CRTAC1: variants seen among roughly 807,000 people sequenced by gnomAD.
The protein encoded by CRTAC1 is cartilage acidic protein 1, also known as acidic secreted protein in cartilage.
A neutral mutation model predicts 67.8 loss-of-function variants in CRTAC1; 37 were observed. The observed-to-expected ratio is 0.55, with a 90% CI of 0.42 to 0.72. The LOEUF is 0.72. Ranked by LOEUF, CRTAC1 falls within the 30% of genes least tolerant of loss-of-function variation. The pLI is 0.00. For missense variants in CRTAC1, 780 were observed against 931.6 expected (o/e 0.84, Z 2.12); for synonymous variants, 348 against 371.0 (o/e 0.94, Z 0.71).
chr10:97,886,636 T>G (rs2050289643), intron 11 of CRTAC1, among the ~76,000 whole-genome samples: 1 of 32,428 alleles, frequency 3.1e-5, no homozygotes, highest in Non-Finnish European at 7.5e-5. Context: ...CTACAGATTT[T>G]TTTTTCTTTT....
chr10:98,011,142 C>T lies in CRTAC1; in HGVS notation c.220G>A (p.Ala74Thr). The change falls in exon 2 of 15, where the codon GCG becomes ACG. Residue 74 changes from alanine (A) to threonine (T), a missense_variant. Ala to Thr is a moderately conservative substitution (Grantham distance 58). Transcript: ENST00000370597. ...CTGAGGGTGGGAGGCACTTACCCCG[C>T]CACGACGATCTCAAAGTCCCCATCA... is the stretch of plus-strand genomic sequence containing the variant. ...DHDGDFEIVV[A>T]GYNGPNLVLK... 1 of 1,614,106 alleles carries T rather than the reference C, an allele frequency of 6.2e-7. No individual in the cohort carries two copies. Among genetic ancestry groups the T allele is most frequent in the Non-Finnish European group, 8.5e-7 (1 of 1,179,950 alleles).
intron 2 of CRTAC1, among the ~76,000 whole-genome samples, chr10:97,943,218 G>T (rs946122627): frequency 1.6e-4 from 24 of 152,046 alleles, no homozygotes; most frequent in African/African-American, 5.8e-4. Flanking sequence ...TACAAAAATG[G>T]AAATGAGGAA....
At chr10:97,929,062 G>T (rs1370005436) in intron 3 of CRTAC1, among the ~76,000 whole-genome samples, 1 of 152,006 alleles carries the variant, frequency 6.6e-6, no homozygotes, top group Non-Finnish European at 1.5e-5. Context: ...TGCAGGAGGG[G>T]TTGGCTGAGT....
At chr10:97,886,476 T>C (rs1325654724) in intron 11 of CRTAC1, among the ~76,000 whole-genome samples, 2 of 152,170 alleles carry the variant, frequency 1.3e-5, no homozygotes, top group Non-Finnish European at 2.9e-5. Flanking sequence ...GCTCAGTTTC[T>C]CTTCCCACAG....
intron 2 of CRTAC1, among the ~76,000 whole-genome samples, chr10:97,946,086 C>T (rs1003578912): frequency 2.6e-5 from 4 of 152,154 alleles, no homozygotes; most frequent in African/African-American, 9.7e-5. Flanking sequence ...CTGATGATGA[C>T]GAAGACCATA....
intron 2 of CRTAC1, among the ~76,000 whole-genome samples, chr10:98,009,997 G>A (rs994597593): frequency 6.6e-6 from 1 of 151,818 alleles, no homozygotes; most frequent in Non-Finnish European, 1.5e-5. Flanking sequence ...TGTGAAATAA[G>A]ATGATGCATA....
chr10:97,880,363 C>A lies in CRTAC1; in HGVS notation c.1705G>T (p.Val569Leu), dbSNP rs2297935. The A allele has an allele frequency of 3.1e-6, 5 of 1,614,048 alleles. No individual in the cohort carries two copies. Among genetic ancestry groups the A allele is most frequent in the Non-Finnish European group, 2.5e-6 (3 of 1,179,918 alleles). ...CATACGGGCTTGTCTCGAGGGCACA[C>A]GAATGGGAACTGGATGCATTCATTG... ...DTNECIQFPF[V>L]CPRDKPVCVN... The change falls in exon 14 of 15, where the codon GTG becomes TTG. Residue 569 changes from valine to leucine, a missense_variant. Physicochemically the swap from Val to Leu is conservative, Grantham distance 32. Coordinates refer to ENST00000370597, the MANE Select transcript of CRTAC1 (RefSeq NM_018058.7).
rs144131309 is a variant in CRTAC1 at position 97,924,089 on chromosome 10, T to C, written c.422-689A>G. ...GGTGAAGGACCTTCAGCTCAGGGAG[T>C]TGCAGGTCTGCACACCACACAACAT... On this transcript the variant is annotated intron_variant, in intron 3 of 14. Transcript: ENST00000370597. 1.1e-4 allele frequency among the ~76,000 whole-genome samples: 17 copies of C among 151,792 alleles called. No individual in the cohort carries two copies. The East Asian group carries it at 3.3e-3, about 29-fold the overall frequency.
chr10:98,003,834 G>C (rs553245443), intron 2 of CRTAC1, among the ~76,000 whole-genome samples: 1 of 152,214 alleles, frequency 6.6e-6, no homozygotes, highest in Non-Finnish European at 1.5e-5. Context: ...TTACATAGGG[G>C]CCTCAGACCT....
intron 11 of CRTAC1, among the ~76,000 whole-genome samples, chr10:97,890,956 T>C (rs1173988413): frequency 6.6e-6 from 1 of 152,244 alleles, no homozygotes; most frequent in Non-Finnish European, 1.5e-5. Context: ...CGTGAGCCAC[T>C]GCACCCGGCT....
At chr10:97,996,756 A>G (rs1157234939) in intron 2 of CRTAC1, among the ~76,000 whole-genome samples, 3 of 152,162 alleles carry the variant, frequency 2.0e-5, no homozygotes, top group African/African-American at 7.2e-5. Flanking sequence ...AGGATTATAA[A>G]TCATGCTGCT....
rs1236272190 is a variant in CRTAC1, at chr10:98,030,585, G to C, written c.-113C>G. On this transcript the variant is annotated 5_prime_UTR_variant, in exon 1 of 15. Coordinates refer to ENST00000370597, the MANE Select transcript of CRTAC1 (RefSeq NM_018058.7). This position sits in a 1 kb window ranked among gnomAD's most constrained non-coding sequence, Gnocchi z 4.2. Reference sequence around the variant, plus strand: ...CCAGCCCCGGTCCCGGGCTGGCCTCGAGCCTCCCGCCCCGACGCCGCGCGC... The same window carrying C: ...CCAGCCCCGGTCCCGGGCTGGCCTCCAGCCTCCCGCCCCGACGCCGCGCGC... 6 of 674,318 alleles carry C rather than the reference G, an allele frequency of 8.9e-6. No homozygotes were observed. The highest frequency in any genetic ancestry group is 1.3e-5 in the Non-Finnish European group (6 of 478,646). 41.8% of individuals were successfully genotyped at this position (674,318 alleles called of 1,614,324 possible).
chr10:97,984,755 A>G (rs776361556), intron 2 of CRTAC1, among the ~76,000 whole-genome samples: 1 of 152,180 alleles, frequency 6.6e-6, no homozygotes, highest in Non-Finnish European at 1.5e-5. Context: ...GCTCAGTGGG[A>G]TTCTTTGATT....
At chr10:97,946,802 TC>T (rs1293262987) in intron 2 of CRTAC1, among the ~76,000 whole-genome samples, 1 of 152,056 alleles carries the variant, frequency 6.6e-6, no homozygotes, top group African/African-American at 2.4e-5. Context: ...CCTATTCCCC[TC>T]CAGAAGCCCC....
intron 1 of CRTAC1, among the ~76,000 whole-genome samples, chr10:98,026,148 C>T (rs756153316): frequency 6.6e-6 from 1 of 152,238 alleles, no homozygotes; most frequent in African/African-American, 2.4e-5. Flanking sequence ...ATACTAAAGA[C>T]TGTCTCCCTC....
intron 2 of CRTAC1, among the ~76,000 whole-genome samples, chr10:97,957,014 C>G (rs1054539356): frequency 1.8e-4 from 27 of 151,212 alleles, no homozygotes; most frequent in South Asian, 4.2e-4. Context: ...TATGGTCTCA[C>G]TGTATTCCCC....
intron 2 of CRTAC1, among the ~76,000 whole-genome samples, chr10:98,005,263 C>A (rs375184440): frequency 6.6e-6 from 1 of 150,650 alleles, no homozygotes. Flanking sequence ...TGCCACCACG[C>A]CTGGCTAATT....
chr10:97,930,639 T>C (rs1344134830), intron 3 of CRTAC1, among the ~76,000 whole-genome samples: 1 of 151,998 alleles, frequency 6.6e-6, no homozygotes, highest in African/African-American at 2.4e-5. Flanking sequence ...CTGGGTACAG[T>C]TGGAACTGGA....
Position 98,030,324 on chromosome 10 carries a change from G to A in CRTAC1, c.24+125C>T. On this transcript the variant is annotated intron_variant, in intron 1 of 14. Coordinates refer to ENST00000370597, the MANE Select transcript of CRTAC1 (RefSeq NM_018058.7). The surrounding 1 kb of genome is among the most constrained non-coding windows in gnomAD (Gnocchi z 4.2). ...TTAGGAGCGAAGCCGCCGCCTTCGC[G>A]ATCCCAGTCTTCCCGGGTTCCCGGG... 5.2e-6 allele frequency: 3 copies of A among 578,568 alleles called. No homozygotes were observed. Among genetic ancestry groups the A allele is most frequent in the African/African-American group, 1.9e-5 (1 of 51,774 alleles). 35.8% of individuals were successfully genotyped at this position (578,568 alleles called of 1,614,324 possible). A position where few individuals can be genotyped will look rare whatever the true frequency, so the allele number is the denominator to read the frequency against.
Sources: allele counts gnomAD v4.1 joint callset (sites outside exome capture counted in the v4.1 genomes callset), GRCh38; gene constraint gnomAD v4.1.1; non-coding constraint Gnocchi (gnomAD v3.1); transcripts MANE v1.5; gene names NCBI Gene and HGNC (gene_info 2026-07-23, HGNC 2026-07-21).